Variants in FRMPD4 observed in about 807,000 individuals in gnomAD.
The protein encoded by FRMPD4 is FERM and PDZ domain-containing protein 4.
FRMPD4 carries 22 observed loss-of-function variants against 94.1 expected under a neutral mutation model. The ratio of observed to expected loss-of-function variants is 0.23; its 90% CI spans 0.17 to 0.33. FRMPD4 has a LOEUF of 0.33. Ranked by LOEUF, FRMPD4 falls within the 10% of genes least tolerant of loss-of-function variation. The pLI is 1.00. For synonymous variants in FRMPD4, 631 were observed against 548.6 expected (o/e 1.15, Z -2.10); for missense variants, 1,111 against 1,339.9 (o/e 0.83, Z 2.67).
At chrX:12,257,294 A>G (rs1277373333) in intron 1 of FRMPD4, among the ~76,000 whole-genome samples, 1 of 111,286 alleles carries the variant, frequency 9.0e-6, no homozygotes, top group African/African-American at 3.3e-5. Flanking sequence ...CATCACACCT[A>G]TGGTTTCTGT....
intron 1 of FRMPD4, among the ~76,000 whole-genome samples, chrX:12,164,770 GT>G (rs1208758959): frequency 8.9e-6 from 1 of 112,218 alleles, no homozygotes; most frequent in Non-Finnish European, 1.9e-5. Context: ...TCTCATTGTG[GT>G]TTTTGATTTG....
At chrX:12,063,654 A>G (rs991091101) in intron 3 of FRMPD4, among the ~76,000 whole-genome samples, 1 of 112,249 alleles carries the variant, frequency 8.9e-6, no homozygotes, top group Non-Finnish European at 1.9e-5. Context: ...TCATGTGGCT[A>G]AGGTGGCAGG....
intron 1 of FRMPD4, among the ~76,000 whole-genome samples, chrX:12,230,285 C>T (rs776928769): frequency 3.6e-5 from 4 of 111,549 alleles, no homozygotes; most frequent in Admixed American, 9.5e-5. Context: ...AAAGTTTTGG[C>T]GCTACTATTG....
At chrX:12,134,699 G>A (rs768948121), upstream of FRMPD4, among the ~76,000 whole-genome samples, 1 of 112,364 alleles carries the variant, frequency 8.9e-6, no homozygotes, top group South Asian at 3.7e-4. Context: ...TAGGGCTTTA[G>A]TAACTGCCCA....
chrX:12,388,850 T>TATAC (rs1491368741), intron 1 of FRMPD4, among the ~76,000 whole-genome samples: 6 of 73,466 alleles, frequency 8.2e-5, no homozygotes, highest in East Asian at 4.3e-4. Context: ...TATATATATA[T>TATAC]ACACACAATG....
intron 2 of FRMPD4, among the ~76,000 whole-genome samples, chrX:12,572,834 G>A (rs908428362): frequency 8.9e-6 from 1 of 112,199 alleles, no homozygotes. Flanking sequence ...AAGGAATAGT[G>A]GCTTGGGGCT....
chrX:12,713,470 G>A (rs1016897207), intron 14 of FRMPD4, among the ~76,000 whole-genome samples: 7 of 92,110 alleles, frequency 7.6e-5, no homozygotes, highest in Non-Finnish European at 1.3e-4. Flanking sequence ...GATACAGGGC[G>A]GGAGGTAGGT....
chrX:12,601,805 T>C (rs771948802), intron 2 of FRMPD4, among the ~76,000 whole-genome samples: 1 of 111,441 alleles, frequency 9.0e-6, no homozygotes, highest in East Asian at 2.8e-4. Flanking sequence ...TGACTGCCGT[T>C]TCTTAGGCTC....
intron 1 of FRMPD4, among the ~76,000 whole-genome samples, chrX:12,331,148 T>G (rs1455484853): frequency 5.4e-5 from 6 of 110,507 alleles, no homozygotes; most frequent in Non-Finnish European, 7.6e-5. Flanking sequence ...AAGCTACAGT[T>G]TCCTGACCCC....
intron 2 of FRMPD4, among the ~76,000 whole-genome samples, chrX:12,571,832 G>T (rs2058763547): frequency 8.9e-6 from 1 of 111,837 alleles, no homozygotes; most frequent in South Asian, 3.7e-4. Flanking sequence ...TTAAACATGG[G>T]GTCACTGAAG....
At chrX:12,255,267 C>T (rs1460502302) in intron 1 of FRMPD4, among the ~76,000 whole-genome samples, 3 of 111,149 alleles carry the variant, frequency 2.7e-5, no homozygotes, top group African/African-American at 9.8e-5. Context: ...GATAATGCTG[C>T]ACACACAAGG....
chrX:12,458,463 G>A lies in FRMPD4; in HGVS notation c.42-40217G>A, dbSNP rs143525566. Among the ~76,000 whole-genome samples the A allele has an allele frequency of 6.6e-3, 733 of 111,809 alleles. 9 individuals carry two copies. The highest frequency in any genetic ancestry group is 0.022 in the African/African-American group (677 of 30,795). On this transcript the variant is annotated intron_variant, in intron 1 of 16. Coordinates refer to ENST00000675598, the MANE Select transcript of FRMPD4 (RefSeq NM_001368397.1). ...CTTAATGGCTCAGAACGGCCATGAT[G>A]TATTGTTTCTCTTGATTCAGAGGGT...
At chrX:12,179,497 G>GTA (rs893315703) in intron 1 of FRMPD4, among the ~76,000 whole-genome samples, 1 of 111,829 alleles carries the variant, frequency 8.9e-6, no homozygotes, top group African/African-American at 3.3e-5. Context: ...AGTTATCAAC[G>GTA]TATAGATTAA....
chrX:12,634,910 T>C (rs7887223), intron 4 of FRMPD4, among the ~76,000 whole-genome samples: 3,937 of 97,729 alleles, frequency 0.04, 232 homozygotes, highest in African/African-American at 0.14. Context: ...CTCGGCTCAC[T>C]GCAACCTCCA....
intron 3 of FRMPD4, among the ~76,000 whole-genome samples, chrX:12,016,728 A>G (rs1401582822): frequency 8.9e-6 from 1 of 112,339 alleles, no homozygotes; most frequent in Non-Finnish European, 1.9e-5. Context: ...GGTGAGGTAT[A>G]TAGGCCAAAG....
At chrX:12,445,872 G>C (rs2057188927) in intron 1 of FRMPD4, among the ~76,000 whole-genome samples, 1 of 113,142 alleles carries the variant, frequency 8.8e-6, no homozygotes, top group South Asian at 3.6e-4. Flanking sequence ...GTTCAACAAT[G>C]TATGTCAGAT....
At chrX:12,099,910 T>A (rs897230211) in intron 3 of FRMPD4, among the ~76,000 whole-genome samples, 1 of 112,500 alleles carries the variant, frequency 8.9e-6, no homozygotes, top group African/African-American at 3.2e-5. Context: ...AATTTGGGAA[T>A]ACAATCTAAC....
intron 1 of FRMPD4, among the ~76,000 whole-genome samples, chrX:12,157,949 T>C (rs765284100): frequency 3.7e-4 from 41 of 112,154 alleles, no homozygotes; most frequent in African/African-American, 1.2e-3. Flanking sequence ...ACTGTGTATG[T>C]ATTTGTGTGT....
At position 12,031,714 on chromosome X, in the gene FRMPD4, G is replaced by A. The variant is rs772986637; in HGVS notation, c.95+153696G>A. 1.3e-4 allele frequency among the ~76,000 whole-genome samples: 14 copies of A among 111,951 alleles called. No individual in the cohort carries two copies. In the East Asian group the frequency reaches 3.6e-3, roughly 29 times the overall value. On this transcript the variant is annotated intron_variant, in intron 3 of 18. Transcript: ENST00000640291. ...GGCTGGTCTGGAATTTGAACTGTAA[G>A]AGCAACTGGATTTTGTTGAATGCTT...
Sources: gnomAD v4.1 joint callset for allele counts (sites outside exome capture counted in the v4.1 genomes callset) on GRCh38, gnomAD v4.1.1 for gene constraint, MANE v1.5 for transcripts, NCBI Gene and HGNC (gene_info 2026-07-23, HGNC 2026-07-21) for gene names.